ERBB4: variants seen among roughly 807,000 people sequenced by gnomAD.
ERBB4 encodes the protein receptor tyrosine-protein kinase erbB-4.
ERBB4 carries 42 observed loss-of-function variants against 158.0 expected under a neutral mutation model. That is an observed-to-expected ratio of 0.27 (90% confidence interval 0.21 to 0.34). ERBB4 has a LOEUF of 0.34. Among genes scored for constraint, ERBB4 ranks in the 10% least tolerant of loss-of-function variants. The pLI, the probability that ERBB4 is intolerant of heterozygous loss-of-function variation, is 1.00. For synonymous variants in ERBB4, 583 were observed against 558.7 expected, an observed-to-expected ratio of 1.04 and a Z score of -0.61; for missense variants, 1,333 against 1,624.1, an observed-to-expected ratio of 0.82 and a Z score of 3.08.
chr2:212,257,694 T>C (rs1245926467), intron 1 of ERBB4, among the ~76,000 whole-genome samples: 1 of 152,172 alleles, frequency 6.6e-6, no homozygotes, highest in Non-Finnish European at 1.5e-5. Flanking sequence ...ATGTCACGTG[T>C]TGAACATAAA....
At chr2:211,626,709 G>C (rs941633817) in intron 17 of ERBB4, among the ~76,000 whole-genome samples, 24 of 152,154 alleles carry the variant, frequency 1.6e-4, no homozygotes, top group African/African-American at 5.8e-4. Context: ...CGGATCACGA[G>C]GTCAGGAGAT....
At position 211,560,208 on chromosome 2, in the gene ERBB4, A is replaced by C. The variant is rs142015661; in HGVS notation, c.2487+1695T>G. 8.0e-4 allele frequency among the ~76,000 whole-genome samples: 122 copies of C among 151,708 alleles called. 3 individuals are homozygous for C. The East Asian group carries it at 0.018, about 22-fold the overall frequency. ...ACACAAACCTTAAGGACAAAACCTAAATTGTAGAGACACAGCAGAAAATAC... is the reference window on the plus strand; with the variant it reads ...ACACAAACCTTAAGGACAAAACCTACATTGTAGAGACACAGCAGAAAATAC... On this transcript the variant is annotated intron_variant, in intron 20 of 27. Coordinates refer to ENST00000342788, the MANE Select transcript of ERBB4 (RefSeq NM_005235.3).
chr2:212,465,582 G>C (rs1008186568), intron 1 of ERBB4, among the ~76,000 whole-genome samples: 1 of 152,066 alleles, frequency 6.6e-6, no homozygotes, highest in African/African-American at 2.4e-5. Flanking sequence ...ATGAAAATTG[G>C]AGCCAAATTT....
Position 211,591,164 on chromosome 2 carries a change from T to C in ERBB4, c.2301+28013A>G, listed in dbSNP as rs72943015. On this transcript the variant is annotated intron_variant, in intron 19 of 27. Transcript: ENST00000342788. ...ATATAACTGCAACCCTGGGAGCTAA[T>C]TGGAGCATCATTATTTACTTATTAA... Among the ~76,000 whole-genome samples the C allele has an allele frequency of 2.1e-3, 327 of 152,340 alleles. 1 individual carries two copies. The highest frequency in any genetic ancestry group is 3.6e-3 in the Non-Finnish European group (243 of 68,038).
At chr2:212,276,682 T>C (rs1031152995) in intron 1 of ERBB4, among the ~76,000 whole-genome samples, 8 of 151,834 alleles carry the variant, frequency 5.3e-5, no homozygotes, top group Non-Finnish European at 5.9e-5. Flanking sequence ...GTGCTCGCTA[T>C]CAGATGAGTA....
chr2:212,246,979 C>A (rs1354210950), intron 1 of ERBB4, among the ~76,000 whole-genome samples: 1 of 152,100 alleles, frequency 6.6e-6, no homozygotes, highest in Non-Finnish European at 1.5e-5. Context: ...TTTACAAGTT[C>A]TTTCTGGTTC....
At chr2:211,599,000 T>C (rs1251508100) in intron 19 of ERBB4, among the ~76,000 whole-genome samples, 1 of 152,186 alleles carries the variant, frequency 6.6e-6, no homozygotes, top group Non-Finnish European at 1.5e-5. Flanking sequence ...AACTTGTGTC[T>C]TCATTGTGTA....
At chr2:211,656,328 C>A (rs1177108248) in intron 16 of ERBB4, among the ~76,000 whole-genome samples, 3 of 150,780 alleles carry the variant, frequency 2.0e-5, no homozygotes, top group Admixed American at 2.0e-4. Flanking sequence ...ACATTAAAAG[C>A]AAGTATTCTT....
chr2:212,215,106 C>A (rs191044493), intron 1 of ERBB4, among the ~76,000 whole-genome samples: 195 of 151,616 alleles, frequency 1.3e-3, no homozygotes, highest in African/African-American at 4.5e-3. Context: ...GCAAGAGAGA[C>A]TTTACAGGTG....
chr2:211,444,560 T>C (rs2064064623), intron 20 of ERBB4, among the ~76,000 whole-genome samples: 1 of 152,094 alleles, frequency 6.6e-6, no homozygotes, highest in South Asian at 2.1e-4. Context: ...TGTATAGGTA[T>C]GCATATTCCA....
chr2:211,430,910 T>C, intron 21 of ERBB4, 35 bp downstream of exon 21: 1 of 1,556,976 alleles, frequency 6.4e-7, no homozygotes, highest in Non-Finnish European at 8.9e-7. Flanking sequence ...TTATACTATA[T>C]TTTCAAGCAA....
chr2:212,516,670 G>C (rs1340629153), intron 1 of ERBB4, among the ~76,000 whole-genome samples: 1 of 152,090 alleles, frequency 6.6e-6, no homozygotes, highest in Admixed American at 6.5e-5. Flanking sequence ...ATGTGTTTAT[G>C]TTTAAAATCA....
chr2:212,258,093 G>GA (rs1240065246), intron 1 of ERBB4, among the ~76,000 whole-genome samples: 1 of 151,982 alleles, frequency 6.6e-6, no homozygotes, highest in Non-Finnish European at 1.5e-5. Flanking sequence ...CTATTTATAG[G>GA]AATGTCAGTT....
At chr2:212,187,530 T>A (rs1282328194) in intron 1 of ERBB4, among the ~76,000 whole-genome samples, 1 of 151,998 alleles carries the variant, frequency 6.6e-6, no homozygotes, top group African/African-American at 2.4e-5. Flanking sequence ...CTCCAAACTA[T>A]GGAATTGCTG....
rs2125570311 is a variant in ERBB4 at position 212,124,751 on chromosome 2, C to T, written c.234+1G>A. 6.2e-7 allele frequency: 1 copy of T among 1,614,108 alleles called. No homozygotes were observed. Among genetic ancestry groups the T allele is most frequent in the Non-Finnish European group, 8.5e-7 (1 of 1,179,974 alleles). ...GAAGAGAAAGAAAGCCACAGCTTTA[C>T]CCGCAGGAAGGAGAGGTCCCGGTTG... On this transcript the variant is annotated splice_donor_variant, in intron 2 of 27. Transcript: ENST00000342788. LOFTEE classifies it high-confidence loss of function.
chr2:212,417,994 G>T (rs1285982804), intron 1 of ERBB4, among the ~76,000 whole-genome samples: 1 of 151,652 alleles, frequency 6.6e-6, no homozygotes, highest in Non-Finnish European at 1.5e-5. Flanking sequence ...AGAGAAAGAG[G>T]CACCAGAGCT....
chr2:212,342,344 G>A lies in ERBB4; in HGVS notation c.82+196105C>T, dbSNP rs964079898. Among the ~76,000 whole-genome samples, 7 of 152,036 alleles carry A rather than the reference G, an allele frequency of 4.6e-5. 1 individual carries two copies. The highest frequency in any genetic ancestry group is 4.2e-4 in the South Asian group (2 of 4,812). Reference sequence around the variant, plus strand: ...TGAATCATGGGGGTGGGTTTTTCCCGTGCTGTTCTCATGAAAGTGAATAAG... The same window carrying A: ...TGAATCATGGGGGTGGGTTTTTCCCATGCTGTTCTCATGAAAGTGAATAAG... On this transcript the variant is annotated intron_variant, in intron 1 of 27. Transcript: ENST00000342788.
At chr2:211,393,768 TG>T (rs1406905290) in intron 25 of ERBB4, among the ~76,000 whole-genome samples, 2 of 151,698 alleles carry the variant, frequency 1.3e-5, no homozygotes, top group Admixed American at 1.3e-4. Context: ...TGTGTGTGTG[TG>T]TGTGTGTGTG....
intron 20 of ERBB4, among the ~76,000 whole-genome samples, chr2:211,439,016 A>G (rs1392313414): frequency 5.7e-5 from 8 of 141,126 alleles, no homozygotes; most frequent in Non-Finnish European, 1.1e-4. Flanking sequence ...GTGTGTGTGT[A>G]AGCATGTGTG....
Sources: gnomAD v4.1 joint callset for allele counts (sites outside exome capture counted in the v4.1 genomes callset) on GRCh38, gnomAD v4.1.1 for gene constraint, MANE v1.5 for transcripts, NCBI Gene and HGNC (gene_info 2026-07-23, HGNC 2026-07-21) for gene names.